The following DYNC2I1 variants were observed in gnomAD, a reference collection of about 807,000 sequenced individuals.
DYNC2I1 encodes the protein cytoplasmic dynein 2 intermediate chain 1.
A neutral mutation model predicts 133.4 loss-of-function variants in DYNC2I1; 89 were observed. The ratio of observed to expected loss-of-function variants is 0.67; its 90% CI spans 0.56 to 0.80. DYNC2I1 has a LOEUF of 0.80. DYNC2I1 is among the 30% of genes least tolerant of loss of function. DYNC2I1 has a pLI of 0.00. For synonymous variants in DYNC2I1, 504 were observed against 484.3 expected, an observed-to-expected ratio of 1.04 and a Z score of -0.54; for missense variants, 1,291 against 1,314.5, an observed-to-expected ratio of 0.98 and a Z score of 0.28.
rs1376366013 is a variant in DYNC2I1, at chr7:158,911,641, A to G, written c.1552A>G (p.Met518Val). 1.9e-6 allele frequency: 3 copies of G among 1,612,424 alleles called. No individual in the cohort carries two copies. Among genetic ancestry groups the G allele is most frequent in the Non-Finnish European group, 1.7e-6 (2 of 1,179,516 alleles). The stretch of plus-strand genomic sequence containing the variant: ...TCTACCACCAGTAAATGAATATGAC[A>G]TGTATATCAGAAACTTTGGGAAAAA... ...LDLPPVNEYDMYIRNFGKKNT... is the reference protein window; with the variant it reads ...LDLPPVNEYDVYIRNFGKKNT... The change falls in exon 12 of 25, where the codon ATG (methionine) becomes GTG (valine). Residue 518 changes from methionine to valine, a missense_variant. Transcript: ENST00000407559.
chr7:158,938,331 A>G (rs1180931939), intron 23 of DYNC2I1, among the ~76,000 whole-genome samples: 1 of 152,254 alleles, frequency 6.6e-6, no homozygotes, highest in African/African-American at 2.4e-5. Flanking sequence ...TCAAAGTGCT[A>G]AATGAAGAAC....
intron 21 of DYNC2I1, 30 bp downstream of exon 21, chr7:158,930,545 C>CT: frequency 6.3e-7 from 1 of 1,589,072 alleles, no homozygotes; most frequent in Non-Finnish European, 8.6e-7. Flanking sequence ...GCTTCACTAT[C>CT]TCACAAAGAC....
intron 15 of DYNC2I1, among the ~76,000 whole-genome samples, chr7:158,919,436 C>G (rs1848792551): frequency 6.6e-6 from 1 of 152,208 alleles, no homozygotes; most frequent in Non-Finnish European, 1.5e-5. Flanking sequence ...ACTGCATTTG[C>G]AAGACCAAAC....
chr7:158,874,189 T>G (rs1843136760), intron 3 of DYNC2I1, among the ~76,000 whole-genome samples: 1 of 151,764 alleles, frequency 6.6e-6, no homozygotes, highest in African/African-American at 2.4e-5. Context: ...AAGTAGGAGC[T>G]ACTGCACTTG....
intron 10 of DYNC2I1, 107 bp from the exon 11 acceptor site, chr7:158,905,882 T>TTGACTATAATTGTTATATA: frequency 1.3e-6 from 1 of 763,362 alleles, no homozygotes; most frequent in Non-Finnish European, 2.2e-6. Flanking sequence ...GAAGGGTTTA[T>TTGACTATAATTGTTATATA]TGACTATAAT....
chr7:158,887,539 T>A (rs1303591884), intron 7 of DYNC2I1, among the ~76,000 whole-genome samples: 1 of 152,188 alleles, frequency 6.6e-6, no homozygotes, highest in Non-Finnish European at 1.5e-5. Flanking sequence ...CACCCCACTT[T>A]CAGTAACAGG....
At chr7:158,854,353 C>T (rs527893479), upstream of DYNC2I1, among the ~76,000 whole-genome samples, 1 of 152,180 alleles carries the variant, frequency 6.6e-6, no homozygotes, top group South Asian at 2.1e-4. Flanking sequence ...GCCATCTAGT[C>T]CCCAGCAAGA....
Position 158,921,901 on chromosome 7 carries a change from G to T in DYNC2I1, c.1922-476G>T, listed in dbSNP as rs74682623. Among the ~76,000 whole-genome samples, 954 of 152,374 alleles carry T rather than the reference G, an allele frequency of 6.3e-3. 5 individuals are homozygous for T. The highest frequency in any genetic ancestry group is 0.01 in the Non-Finnish European group (710 of 68,034). On this transcript the variant is annotated intron_variant, in intron 15 of 24. Coordinates refer to ENST00000407559, the MANE Select transcript of DYNC2I1 (RefSeq NM_018051.5). ...GCAGTGGCAACAGTAACGCCTTGGA[G>T]TGCAGTCCCTCGCCGGGTGGAGCAG... is the stretch of plus-strand genomic sequence containing the variant.
At chr7:158,933,810 G>C (rs1291988016) in intron 21 of DYNC2I1, among the ~76,000 whole-genome samples, 1 of 152,192 alleles carries the variant, frequency 6.6e-6, no homozygotes, top group African/African-American at 2.4e-5. Context: ...CACACACTAA[G>C]AACTTGAGAC....
At chr7:158,947,253 C>G (rs1244340965), downstream of DYNC2I1, among the ~76,000 whole-genome samples, 1 of 152,156 alleles carries the variant, frequency 6.6e-6, no homozygotes, top group Non-Finnish European at 1.5e-5. Context: ...TTCACAGTTG[C>G]GTGGAAAGGA....
intron 14 of DYNC2I1, among the ~76,000 whole-genome samples, chr7:158,915,993 ACGC>A (rs1848199665): frequency 8.2e-6 from 1 of 122,018 alleles, no homozygotes; most frequent in Admixed American, 8.0e-5. Context: ...AAACGTCGAC[ACGC>A]TGGTTGACAT....
In DYNC2I1 at chr7:158,942,108, G is replaced by A. The variant is rs1369498444; in HGVS notation, c.2962G>A (p.Asp988Asn). 4 of 1,588,004 alleles carry A rather than the reference G, an allele frequency of 2.5e-6. No individual in the cohort carries two copies. The highest frequency in any genetic ancestry group is 1.3e-5 in the African/African-American group (1 of 74,542). Reference protein sequence around the residue: ...NIYIWDLLQSDLGPVAKQQVS... With the variant: ...NIYIWDLLQSNLGPVAKQQVS... ...CTACATCTGGGACCTCCTCCAGAGC[G>A]ATCTGGGTCCTGTCGCCAAACAGCA... The change falls in exon 24 of 25, where the codon GAT becomes AAT. Residue 988 changes from aspartate (D) to asparagine (N), a missense_variant. Physicochemically the swap from Asp to Asn is conservative, Grantham distance 23. Coordinates refer to ENST00000407559, the MANE Select transcript of DYNC2I1 (RefSeq NM_018051.5).
intron 1 of DYNC2I1, among the ~76,000 whole-genome samples, chr7:158,860,625 A>G (rs551532088): frequency 6.6e-6 from 1 of 152,292 alleles, no homozygotes; most frequent in South Asian, 2.1e-4. Flanking sequence ...GTGTATGACT[A>G]TTAATTTTTA....
intron 4 of DYNC2I1, among the ~76,000 whole-genome samples, chr7:158,956,363 T>C (rs1852199988): frequency 6.6e-6 from 1 of 152,208 alleles, no homozygotes; most frequent in African/African-American, 2.4e-5. Flanking sequence ...ATGCCACCGT[T>C]CCTGGAGGGG....
chr7:158,881,554 C>T (rs763530864), intron 5 of DYNC2I1, among the ~76,000 whole-genome samples: 3 of 151,886 alleles, frequency 2.0e-5, no homozygotes, highest in Non-Finnish European at 2.9e-5. Context: ...CCCAGGTTCA[C>T]GCCATTCTCC....
chr7:158,868,917 C>G (rs1321162271), intron 1 of DYNC2I1, among the ~76,000 whole-genome samples: 1 of 152,154 alleles, frequency 6.6e-6, no homozygotes, highest in Non-Finnish European at 1.5e-5. Context: ...CTGGTATGCA[C>G]CAGATGCTAA....
In DYNC2I1 at chr7:158,915,686, G is replaced by A. The variant is rs112995054; in HGVS notation, c.1791+1365G>A. ...ACATTAAGGATGATTGTGAAACGTCGACACGCTGGTTGACATTAAGGATGA... is the reference window on the plus strand; with the variant it reads ...ACATTAAGGATGATTGTGAAACGTCAACACGCTGGTTGACATTAAGGATGA... On this transcript the variant is annotated intron_variant, in intron 14 of 24. Transcript: ENST00000407559. Among the ~76,000 whole-genome samples the A allele has an allele frequency of 5.3e-4, 74 of 139,902 alleles. 1 individual carries two copies. Among genetic ancestry groups the A allele is most frequent in the South Asian group, 6.6e-4 (3 of 4,512 alleles). 91.8% of individuals were successfully genotyped at this position (139,902 alleles called of 152,430 possible).
At chr7:158,954,706 C>T (rs1193069036) in intron 4 of DYNC2I1, among the ~76,000 whole-genome samples, 1 of 152,154 alleles carries the variant, frequency 6.6e-6, no homozygotes, top group South Asian at 2.1e-4. Flanking sequence ...TTGAAGACAA[C>T]TGAAATTATA....
intron 3 of DYNC2I1, among the ~76,000 whole-genome samples, chr7:158,871,829 C>T (rs1193910619): frequency 1.3e-5 from 2 of 152,222 alleles, no homozygotes; most frequent in Non-Finnish European, 2.9e-5. Flanking sequence ...CCACTGTGCC[C>T]AGCTGGCTCT....
Sources: allele counts gnomAD v4.1 joint callset (sites outside exome capture counted in the v4.1 genomes callset), GRCh38; gene constraint gnomAD v4.1.1; transcripts MANE v1.5; gene names NCBI Gene and HGNC (gene_info 2026-07-23, HGNC 2026-07-21).